Variants in ABI2 observed in about 807,000 individuals in gnomAD.
ABI2 encodes abl interactor 2, also known as abelson interactor 2.
In ABI2, 25 loss-of-function variants were observed where a neutral mutation model predicts 59.2. The observed-to-expected ratio is 0.42, with a 90% CI of 0.31 to 0.59. The LOEUF is 0.59. Among genes scored for constraint, ABI2 ranks in the 20% least tolerant of loss-of-function variants. The pLI is 0.14. For missense variants in ABI2, 545 were observed against 681.8 expected (o/e 0.80, Z 2.23); for synonymous variants, 213 against 235.5 (o/e 0.90, Z 0.87).
intron 1 of ABI2, among the ~76,000 whole-genome samples, chr2:203,354,776 C>G (rs997906204): frequency 1.3e-5 from 2 of 152,152 alleles, no homozygotes; most frequent in African/African-American, 4.8e-5. Context: ...TTTAGGTAAC[C>G]TAAATCTTTT....
At chr2:203,375,704 G>C (rs568230894) in intron 2 of ABI2, among the ~76,000 whole-genome samples, 34 of 152,310 alleles carry the variant, frequency 2.2e-4, no homozygotes, top group African/African-American at 6.3e-4. Flanking sequence ...TGATAGATGT[G>C]AGGAGGGAGT....
chr2:203,384,724 C>G (rs1184999452), intron 4 of ABI2, among the ~76,000 whole-genome samples: 1 of 151,788 alleles, frequency 6.6e-6, no homozygotes, highest in Non-Finnish European at 1.5e-5. Context: ...TGAAGCTAAA[C>G]TTAAGTATTT....
chr2:203,392,361 C>A (rs1559313770), intron 5 of ABI2, among the ~76,000 whole-genome samples: 1 of 137,462 alleles, frequency 7.3e-6, no homozygotes, highest in Non-Finnish European at 1.6e-5. Context: ...CACAAACCTT[C>A]AAAAAACCGA....
At chr2:203,366,478 C>A (rs1318926095) in intron 1 of ABI2, among the ~76,000 whole-genome samples, 1 of 151,946 alleles carries the variant, frequency 6.6e-6, no homozygotes, top group Admixed American at 6.6e-5. Flanking sequence ...GTTATGGCCA[C>A]ATTTCACATA....
intron 1 of ABI2, among the ~76,000 whole-genome samples, chr2:203,366,225 A>G (rs1010768684): frequency 3.3e-5 from 5 of 152,324 alleles, no homozygotes; most frequent in Non-Finnish European, 7.3e-5. Context: ...AGGCTGAGGC[A>G]GGCCAATGAA....
chr2:203,385,061 C>CTGACCTTG (rs1382788655), intron 4 of ABI2, among the ~76,000 whole-genome samples: 2 of 151,488 alleles, frequency 1.3e-5, no homozygotes. Context: ...TCTCAAACTC[C>CTGACCTTG]TGACCTTGTG....
intron 2 of ABI2, among the ~76,000 whole-genome samples, chr2:203,371,042 G>T (rs1006891611): frequency 2.0e-5 from 3 of 152,218 alleles, no homozygotes; most frequent in Non-Finnish European, 4.4e-5. Context: ...CTGCTGACTT[G>T]TGTGACATTT....
At chr2:203,367,174 AT>A in intron 2 of ABI2, 130 bp downstream of exon 2, 3 of 1,254,440 alleles carry the variant, frequency 2.4e-6, no homozygotes, top group Non-Finnish European at 3.1e-6. Flanking sequence ...GCAACTTAAT[AT>A]TAGGTTGTTT....
At chr2:203,415,528 AT>A (rs2097854795) in intron 10 of ABI2, among the ~76,000 whole-genome samples, 1 of 142,716 alleles carries the variant, frequency 7.0e-6, no homozygotes, top group Non-Finnish European at 1.5e-5. Flanking sequence ...GAGGCAGGAG[AT>A]TGGCATGAAC....
At chr2:203,357,366 C>A (rs1335942382) in intron 1 of ABI2, among the ~76,000 whole-genome samples, 1 of 152,130 alleles carries the variant, frequency 6.6e-6, no homozygotes, top group African/African-American at 2.4e-5. Context: ...TTCTAATATC[C>A]ACAGCATTTC....
At chr2:203,342,870 AAAGG>A (rs2080881304) in intron 1 of ABI2, among the ~76,000 whole-genome samples, 1 of 152,302 alleles carries the variant, frequency 6.6e-6, no homozygotes, top group Middle Eastern at 3.4e-3. Flanking sequence ...TTTTGAGAGA[AAAGG>A]AAGTTTAAAT....
At chr2:203,356,377 T>A (rs1256651624) in intron 1 of ABI2, among the ~76,000 whole-genome samples, 1 of 152,122 alleles carries the variant, frequency 6.6e-6, no homozygotes, top group East Asian at 1.9e-4. Flanking sequence ...TATTTTATTT[T>A]ATTTATTTTG....
At chr2:203,419,879 T>C (rs2098121959) in intron 11 of ABI2, among the ~76,000 whole-genome samples, 1 of 151,994 alleles carries the variant, frequency 6.6e-6, no homozygotes, top group South Asian at 2.1e-4. Context: ...TCCCAACTAC[T>C]CGGGAGGCTG....
At chr2:203,373,558 C>G (rs1297422556) in intron 2 of ABI2, among the ~76,000 whole-genome samples, 1 of 152,080 alleles carries the variant, frequency 6.6e-6, no homozygotes, top group Non-Finnish European at 1.5e-5. Flanking sequence ...CGAGGCCCAT[C>G]TTTTTTCTTT....
intron 11 of ABI2, among the ~76,000 whole-genome samples, chr2:203,421,437 T>C (rs2098200550): frequency 6.6e-6 from 1 of 152,200 alleles, no homozygotes; most frequent in African/African-American, 2.4e-5. Context: ...AGCAAAGGAA[T>C]AAGAGCCACC....
At position 203,429,738 on chromosome 2, in the gene ABI2, A is replaced by G. The variant is rs1167528108; in HGVS notation, c.*2386A>G. 2 of 142,580 alleles carry G rather than the reference A, an allele frequency of 1.4e-5. No individual in the cohort carries two copies. The highest frequency in any genetic ancestry group is 2.7e-5 in the African/African-American group (1 of 37,338). The allele number at this position is 142,580 out of a possible 1,614,324, so 8.8% of individuals were successfully genotyped here. On this transcript the variant is annotated 3_prime_UTR_variant, in exon 12 of 12. Coordinates refer to ENST00000261018, the MANE Select transcript of ABI2 (RefSeq NM_001375670.1). The stretch of plus-strand genomic sequence containing the variant: ...TGCCACTGCACTCCAGCCTGGTGAC[A>G]GAGCGAGACTCCATCAAAAAAAAAA...
At chr2:203,332,085 C>A (rs1275267782) in intron 1 of ABI2, among the ~76,000 whole-genome samples, 1 of 151,828 alleles carries the variant, frequency 6.6e-6, no homozygotes, top group African/African-American at 2.4e-5. Context: ...GCTAGGATTA[C>A]AGGCGTGAGC....
At chr2:203,366,255 C>T (rs1018236902) in intron 1 of ABI2, among the ~76,000 whole-genome samples, 5 of 152,058 alleles carry the variant, frequency 3.3e-5, no homozygotes, top group South Asian at 2.1e-4. Flanking sequence ...TCTAGGAGTT[C>T]GAGACCAGCT....
intron 2 of ABI2, 106 bp downstream of exon 2, chr2:203,367,150 C>T (rs1023540096): frequency 2.5e-5 from 34 of 1,344,782 alleles, no homozygotes; most frequent in African/African-American, 8.9e-5. Context: ...CTCACATGTA[C>T]GATTTGGAAA....
Sources: gnomAD v4.1 joint callset for allele counts (sites outside exome capture counted in the v4.1 genomes callset) on GRCh38, gnomAD v4.1.1 for gene constraint, MANE v1.5 for transcripts, NCBI Gene and HGNC (gene_info 2026-07-23, HGNC 2026-07-21) for gene names.